CDK14: variants seen among roughly 807,000 people sequenced by gnomAD.
CDK14 encodes the protein cyclin dependent kinase 14.
Under a neutral mutation model 60.7 loss-of-function variants are expected in CDK14, and 34 were observed. The observed-to-expected ratio is 0.56, with a 90% confidence interval of 0.43 to 0.75. The LOEUF (loss-of-function observed/expected upper bound fraction) is 0.75. Among genes scored for constraint, CDK14 ranks in the 30% least tolerant of loss-of-function variants. CDK14 has a pLI of 0.00. For missense variants in CDK14, 482 were observed against 564.1 expected (o/e 0.85, Z 1.47); for synonymous variants, 197 against 203.7 (o/e 0.97, Z 0.28).
chr7:90,796,478 T>C (rs1219110043), intron 5 of CDK14, among the ~76,000 whole-genome samples: 1 of 151,934 alleles, frequency 6.6e-6, no homozygotes, highest in East Asian at 1.9e-4. Context: ...TAGAAATAGT[T>C]GGTGATTGCA....
chr7:91,099,710 G>A (rs776820309), intron 12 of CDK14, among the ~76,000 whole-genome samples: 1 of 152,126 alleles, frequency 6.6e-6, no homozygotes, highest in Non-Finnish European at 1.5e-5. Flanking sequence ...AAGTTGGAAA[G>A]GTTGTGAGTT....
At chr7:90,616,984 T>C (rs1356037029) in intron 2 of CDK14, among the ~76,000 whole-genome samples, 1 of 152,174 alleles carries the variant, frequency 6.6e-6, no homozygotes, top group Non-Finnish European at 1.5e-5. Flanking sequence ...GGACTTTTTT[T>C]TCAGCTTCAA....
At chr7:90,723,464 C>A (rs566978768) in intron 2 of CDK14, among the ~76,000 whole-genome samples, 22 of 152,256 alleles carry the variant, frequency 1.4e-4, no homozygotes, top group African/African-American at 5.1e-4. Context: ...AGGGCTGCCT[C>A]ATGGCATGGC....
intron 11 of CDK14, among the ~76,000 whole-genome samples, chr7:91,056,834 G>C (rs540271765): frequency 6.6e-6 from 1 of 152,140 alleles, no homozygotes; most frequent in Non-Finnish European, 1.5e-5. Context: ...TTGGTTCCAA[G>C]TCTTTGCTAT....
intron 4 of CDK14, among the ~76,000 whole-genome samples, chr7:90,778,259 T>G (rs1407179733): frequency 6.6e-6 from 1 of 152,264 alleles, no homozygotes; most frequent in Non-Finnish European, 1.5e-5. Context: ...CAGTAAATGA[T>G]ACCTACATCC....
intron 10 of CDK14, among the ~76,000 whole-genome samples, chr7:91,042,341 C>T (rs1349665409): frequency 3.3e-5 from 5 of 152,094 alleles, no homozygotes; most frequent in East Asian, 1.9e-4. Context: ...CACCCTCTCC[C>T]GGTAGCATTT....
At chr7:91,024,543 C>G (rs368485630) in intron 10 of CDK14, among the ~76,000 whole-genome samples, 1 of 152,170 alleles carries the variant, frequency 6.6e-6, no homozygotes, top group Admixed American at 6.5e-5. Flanking sequence ...CCCAGCTACT[C>G]AGGAGGCTGA....
intron 5 of CDK14, among the ~76,000 whole-genome samples, chr7:90,832,617 C>T (rs180703399): frequency 1.5e-4 from 23 of 151,968 alleles, no homozygotes; most frequent in Non-Finnish European, 3.2e-4. Context: ...TTAAAAGAGT[C>T]AATCAGCATG....
At chr7:90,765,111 G>A (rs976735111) in intron 4 of CDK14, among the ~76,000 whole-genome samples, 3 of 152,194 alleles carry the variant, frequency 2.0e-5, no homozygotes, top group African/African-American at 7.2e-5. Flanking sequence ...CCTCTTAGGA[G>A]AAAGAAGAGG....
intron 6 of CDK14, among the ~76,000 whole-genome samples, chr7:90,891,933 GA>G (rs1295992184): frequency 6.6e-6 from 1 of 152,226 alleles, no homozygotes; most frequent in African/African-American, 2.4e-5. Flanking sequence ...TCTATCTCAT[GA>G]ATAGGAGGTC....
intron 10 of CDK14, among the ~76,000 whole-genome samples, chr7:91,008,385 C>T (rs976270264): frequency 1.3e-5 from 2 of 152,150 alleles, no homozygotes; most frequent in Non-Finnish European, 2.9e-5. Context: ...CCTGTGATCT[C>T]AGTTTAGAAT....
intron 2 of CDK14, among the ~76,000 whole-genome samples, chr7:90,617,203 A>T (rs1162683656): frequency 6.6e-6 from 1 of 152,120 alleles, no homozygotes; most frequent in Non-Finnish European, 1.5e-5. Context: ...AAAAGGAAAT[A>T]CAACAAATGG....
chr7:90,638,444 T>C (rs201944338), intron 2 of CDK14, among the ~76,000 whole-genome samples: 4 of 152,344 alleles, frequency 2.6e-5, no homozygotes, highest in Non-Finnish European at 5.9e-5. Flanking sequence ...TCTTTAAGAA[T>C]GTTGAATATT....
chr7:90,690,148 T>C (rs1189609756), intron 2 of CDK14, among the ~76,000 whole-genome samples: 1 of 152,166 alleles, frequency 6.6e-6, no homozygotes, highest in Non-Finnish European at 1.5e-5. Flanking sequence ...TAGTATACCA[T>C]CAAAAATTGA....
chr7:90,812,773 G>A (rs747345869), intron 5 of CDK14, among the ~76,000 whole-genome samples: 1 of 152,130 alleles, frequency 6.6e-6, no homozygotes, highest in Admixed American at 6.5e-5. Flanking sequence ...AATACCAAGT[G>A]TTTCATATGG....
chr7:91,173,713 C>T (rs779483724), intron 14 of CDK14, among the ~76,000 whole-genome samples: 7 of 152,090 alleles, frequency 4.6e-5, no homozygotes, highest in East Asian at 1.9e-4. Flanking sequence ...CCTGGAAAAT[C>T]GGGTCACTCC....
chr7:91,111,448 A>G (rs1799465935), intron 12 of CDK14, among the ~76,000 whole-genome samples: 1 of 152,190 alleles, frequency 6.6e-6, no homozygotes, highest in Non-Finnish European at 1.5e-5. Flanking sequence ...GTCACTGTAT[A>G]TATTGCACCG....
chr7:91,016,861 A>C (rs1796315275), intron 10 of CDK14, among the ~76,000 whole-genome samples: 1 of 152,218 alleles, frequency 6.6e-6, no homozygotes, highest in Admixed American at 6.5e-5. Context: ...CTTCGCATAC[A>C]CCAGTGAAGG....
At chr7:90,875,748 T>C (rs534798802) in intron 6 of CDK14, among the ~76,000 whole-genome samples, 92 of 152,242 alleles carry the variant, frequency 6.0e-4, no homozygotes, top group Non-Finnish European at 1.1e-3. Flanking sequence ...AATTTTCTTG[T>C]CTTTTCTCTC....
Sources: allele counts gnomAD v4.1 joint callset (sites outside exome capture counted in the v4.1 genomes callset), GRCh38; gene constraint gnomAD v4.1.1; transcripts MANE v1.5; gene names NCBI Gene and HGNC (gene_info 2026-07-23, HGNC 2026-07-21).